Variants in GDF3 observed in about 807,000 individuals in gnomAD.
The protein encoded by GDF3 is growth differentiation factor 3.
In GDF3, 10 loss-of-function variants were observed where a neutral mutation model predicts 10.2. That is an observed-to-expected ratio of 0.98 (90% CI 0.60 to 1.66). GDF3 has a LOEUF of 1.66. Ranked by LOEUF, GDF3 falls within the 40% of genes most tolerant of loss-of-function variation. The pLI is 0.00. For synonymous variants in GDF3, 166 were observed against 178.5 expected, an observed-to-expected ratio of 0.93 and a Z score of 0.56; for missense variants, 450 against 438.3, an observed-to-expected ratio of 1.03 and a Z score of -0.24.
Position 7,690,363 on chromosome 12 carries a change from T to A in GDF3, c.610A>T (p.Ile204Leu), listed in dbSNP as rs765581872. The A allele has an allele frequency of 6.2e-7, 1 of 1,614,042 alleles. No homozygotes were observed. Among genetic ancestry groups the A allele is most frequent in the Non-Finnish European group, 8.5e-7 (1 of 1,179,956 alleles). The change falls in exon 2 of 2, where the codon ATA (isoleucine) becomes TTA (leucine). Residue 204 changes from isoleucine to leucine, a missense_variant. Ile to Leu is a conservative substitution (Grantham distance 5). Coordinates refer to ENST00000329913, the MANE Select transcript of GDF3 (RefSeq NM_020634.3). ...GAGTCTCTATCTTCTTTGACCAGTA[T>A]CTCCAGGAATAACCCGAAATTTTTC... ...PRKNFGLFLE[I>L]LVKEDRDSGV... is the part of the protein sequence containing the mutation.
At chr12:7,693,594 C>T (rs554539834) in intron 1 of GDF3, among the ~76,000 whole-genome samples, 1 of 151,312 alleles carries the variant, frequency 6.6e-6, no homozygotes, top group Non-Finnish European at 1.5e-5. Flanking sequence ...CAACTCAAAC[C>T]GAAACACTCT....
chr12:7,692,509 A>ATT (rs753587940), intron 1 of GDF3, among the ~76,000 whole-genome samples: 11,804 of 135,534 alleles, frequency 0.087, 585 homozygotes, highest in Middle Eastern at 0.11. Flanking sequence ...ATTGGCTTTA[A>ATT]TTTTTTTTTT....
chr12:7,689,813 C>A lies in GDF3; in HGVS notation c.*65G>T. On this transcript the variant is annotated 3_prime_UTR_variant, in exon 2 of 2. Coordinates refer to ENST00000329913, the MANE Select transcript of GDF3 (RefSeq NM_020634.3). ...CATTTCGATCTAAGTGGTCATAAAC[C>A]AGATAGGTAGTTTTATTAAAAGATT... The A allele has an allele frequency of 9.2e-7, 1 of 1,085,012 alleles. No individual in the cohort carries two copies. The highest frequency in any genetic ancestry group is 1.4e-6 in the Non-Finnish European group (1 of 702,826). 67.2% of individuals were successfully genotyped at this position (1,085,012 alleles called of 1,614,324 possible).
rs746944156 is a variant in GDF3, at chr12:7,690,187, G to T, written c.786C>A (p.Asn262Lys). ...AIPVPKLSCKNLCHRHQLFIN... is the reference protein window; with the variant it reads ...AIPVPKLSCKKLCHRHQLFIN... ...TGAATAGCTGGTGACGGTGGCAGAG[G>T]TTCTTACAAGAAAGCTTGGGGACAG... The change falls in exon 2 of 2, where the codon AAC becomes AAA. Residue 262 changes from asparagine (N) to lysine (K), a missense_variant. Physicochemically the swap from Asn to Lys is moderately conservative, Grantham distance 94. Transcript: ENST00000329913. 6.2e-6 allele frequency: 10 copies of T among 1,614,038 alleles called. No individual in the cohort carries two copies. In the Admixed American group the frequency reaches 1.7e-4, roughly 27 times the overall value.
chr12:7,690,847 T>C lies in GDF3; in HGVS notation c.269-143A>G, dbSNP rs1351084737. ...CCTGTCATTTGGGAGGGTTTGTTTCTCTATTCCTGAAAGCCAGAGGGTCCC... is the reference window on the plus strand; with the variant it reads ...CCTGTCATTTGGGAGGGTTTGTTTCCCTATTCCTGAAAGCCAGAGGGTCCC... On this transcript the variant is annotated intron_variant, in intron 1 of 1. Coordinates refer to ENST00000329913, the MANE Select transcript of GDF3 (RefSeq NM_020634.3). The C allele has an allele frequency of 9.4e-6, 6 of 639,952 alleles. No homozygotes were observed. In the Admixed American group the frequency reaches 1.7e-4, roughly 18 times the overall value. 39.6% of individuals were successfully genotyped at this position (639,952 alleles called of 1,614,324 possible).
At position 7,690,718 on chromosome 12, in the gene GDF3, GA is replaced by G. The variant is rs774807326; in HGVS notation, c.269-15del. On this transcript the variant is annotated splice_polypyrimidine_tract_variant and intron_variant, in intron 1 of 1. Transcript: ENST00000329913. Reference sequence around the variant, plus strand: ...AAAGAAAGAAACCTAGATGGGAAAAGAGACATGTCAGAGTCATAATGATGTA... The same window carrying G: ...AAAGAAAGAAACCTAGATGGGAAAAGGACATGTCAGAGTCATAATGATGTA... 12 of 1,431,628 alleles carry G rather than the reference GA, an allele frequency of 8.4e-6. No individual in the cohort carries two copies. In the Admixed American group the frequency reaches 2.0e-4, roughly 24 times the overall value. The allele number at this position is 1,431,628 out of a possible 1,614,324, so 88.7% of individuals were successfully genotyped here. A position where few individuals can be genotyped will look rare whatever the true frequency, so the allele number is the denominator to read the frequency against.
At chr12:7,692,500 T>C (rs928636781) in intron 1 of GDF3, among the ~76,000 whole-genome samples, 1 of 151,178 alleles carries the variant, frequency 6.6e-6, no homozygotes, top group African/African-American at 2.4e-5. Flanking sequence ...ATCATTCAGA[T>C]TGGCTTTAAT....
chr12:7,693,099 TA>T (rs1864149275), intron 1 of GDF3, among the ~76,000 whole-genome samples: 1 of 152,224 alleles, frequency 6.6e-6, no homozygotes, highest in South Asian at 2.1e-4. Context: ...AGTCTACTTT[TA>T]CTATTTGCAT....
chr12:7,691,939 G>A (rs537825976), intron 1 of GDF3, among the ~76,000 whole-genome samples: 13 of 151,700 alleles, frequency 8.6e-5, no homozygotes, highest in Middle Eastern at 3.4e-3. Flanking sequence ...CCCGGGAGGC[G>A]GAGCTTGCAG....
intron 1 of GDF3, among the ~76,000 whole-genome samples, chr12:7,693,103 A>G (rs1864149306): frequency 1.3e-5 from 2 of 152,046 alleles, no homozygotes; most frequent in Non-Finnish European, 1.5e-5. Flanking sequence ...TACTTTTACT[A>G]TTTGCATCTT....
At chr12:7,691,948 A>T (rs1864135264) in intron 1 of GDF3, among the ~76,000 whole-genome samples, 1 of 152,016 alleles carries the variant, frequency 6.6e-6, no homozygotes, top group Admixed American at 6.6e-5. Flanking sequence ...CGGAGCTTGC[A>T]GTGAGCCAAG....
At chr12:7,694,415 A>AATT (rs1478489830) in intron 1 of GDF3, among the ~76,000 whole-genome samples, 2 of 152,000 alleles carry the variant, frequency 1.3e-5, no homozygotes, top group African/African-American at 4.8e-5. Flanking sequence ...AAAATTAAAA[A>AATT]ATTAAAAAAT....
chr12:7,689,843 C>T lies in GDF3; in HGVS notation c.*35G>A. ...AGGTAGTTTTATTAAAAGATTTACCCTAAGAACACTCCTTCTATTCCCATT... is the reference window on the plus strand; with the variant it reads ...AGGTAGTTTTATTAAAAGATTTACCTTAAGAACACTCCTTCTATTCCCATT... On this transcript the variant is annotated 3_prime_UTR_variant, in exon 2 of 2. Transcript: ENST00000329913. 1 of 1,364,072 alleles carries T rather than the reference C, an allele frequency of 7.3e-7. No individual in the cohort carries two copies. The allele number at this position is 1,364,072 out of a possible 1,614,324, so 84.5% of individuals were successfully genotyped here.
Position 7,690,349 on chromosome 12 carries a change from T to G in GDF3, c.624A>C (p.Glu208Asp), listed in dbSNP as rs1164548351. Residue 208 changes from glutamate to aspartate, a missense_variant, in exon 2 of 2, where the codon GAA becomes GAC. By Grantham distance (45) the Glu-to-Asp change is conservative (BLOSUM62 2). Transcript: ENST00000329913. ...FGLFLEILVK[E>D]DRDSGVNFQP... Reference sequence around the variant, plus strand: ...GAAAATTCACCCCTGAGTCTCTATCTTCTTTGACCAGTATCTCCAGGAATA... The same window carrying G: ...GAAAATTCACCCCTGAGTCTCTATCGTCTTTGACCAGTATCTCCAGGAATA... 2 of 1,614,064 alleles carry G rather than the reference T, an allele frequency of 1.2e-6. No individual in the cohort carries two copies. The highest frequency in any genetic ancestry group is 2.2e-5 in the South Asian group (2 of 91,070).
chr12:7,693,434 G>C (rs1864152377), intron 1 of GDF3, among the ~76,000 whole-genome samples: 1 of 148,224 alleles, frequency 6.7e-6, no homozygotes, highest in Admixed American at 6.7e-5. Flanking sequence ...TGGGGGGAGG[G>C]CCTTACCATG....
chr12:7,692,584 A>G (rs777697197), intron 1 of GDF3, among the ~76,000 whole-genome samples: 1 of 148,130 alleles, frequency 6.8e-6, no homozygotes, highest in Admixed American at 6.8e-5. Context: ...ATCTCAGCTC[A>G]CTGCAACCTC....
In GDF3 at chr12:7,695,516, G is replaced by A. The variant is rs1245646792; in HGVS notation, c.213C>T (p.Cys71=). 1 of 1,614,038 alleles carries A rather than the reference G, an allele frequency of 6.2e-7. No individual in the cohort carries two copies. The highest frequency in any genetic ancestry group is 8.5e-7 in the Non-Finnish European group (1 of 1,179,952). The change falls in exon 1 of 2, where the codon TGC becomes TGT. Residue 71 remains cysteine, a synonymous_variant. Coordinates refer to ENST00000329913, the MANE Select transcript of GDF3 (RefSeq NM_020634.3). ...CGCGGACGCCCAGCTCCTTTACGTA[G>A]CATAAGTCTCGGGAGACCCCAGTGG... The part of the protein sequence containing the change: ...AATTGVSRDL[C]YVKELGVRGN...
chr12:7,694,455 T>G (rs1864161918), intron 1 of GDF3, among the ~76,000 whole-genome samples: 1 of 149,162 alleles, frequency 6.7e-6, no homozygotes, highest in Non-Finnish European at 1.5e-5. Context: ...ACGCCTGTAA[T>G]CCCAGCTACT....
Position 7,689,881 on chromosome 12 carries a change from C to T in GDF3, c.1092G>A (p.Gly364=), listed in dbSNP as rs750988910. Residue 364 remains glycine, a synonymous_variant, in exon 2 of 2, where the codon GGG becomes GGA. Coordinates refer to ENST00000329913, the MANE Select transcript of GDF3 (RefSeq NM_020634.3). ...TTCTATTCCCATTTCTGACATCCTA[C>T]CCACACCCACATTCATCGACTACCA... ...EDMVVDECGC[G] The T allele has an allele frequency of 1.3e-6, 2 of 1,595,844 alleles. No homozygotes were observed. Among genetic ancestry groups the T allele is most frequent in the East Asian group, 2.2e-5 (1 of 44,850 alleles).
Sources: gnomAD v4.1 joint callset for allele counts (sites outside exome capture counted in the v4.1 genomes callset) on GRCh38, gnomAD v4.1.1 for gene constraint, MANE v1.5 for transcripts, NCBI Gene and HGNC (gene_info 2026-07-23, HGNC 2026-07-21) for gene names.